BLK: variants seen among roughly 807,000 people sequenced by gnomAD.
BLK encodes the protein BLK proto-oncogene, Src family tyrosine kinase.
BLK carries 64 observed loss-of-function variants against 61.8 expected under a neutral mutation model. The observed-to-expected ratio is 1.03, with a 90% CI of 0.85 to 1.27. The LOEUF is 1.27. Among genes scored for constraint, BLK ranks in the 50% most tolerant of loss-of-function variants. The pLI, the probability that BLK is intolerant of heterozygous loss-of-function variation, is 0.00. For missense variants in BLK, 853 were observed against 660.5 expected (o/e 1.29, Z -3.19); for synonymous variants, 351 against 272.0 (o/e 1.29, Z -2.86).
At chr8:11,517,217 G>T (rs1281095727) in intron 1 of BLK, among the ~76,000 whole-genome samples, 1 of 152,226 alleles carries the variant, frequency 6.6e-6, no homozygotes, top group African/African-American at 2.4e-5. Flanking sequence ...CCAAGGCAGA[G>T]AGATGTCCAT....
At chr8:11,500,315 T>C (rs1364844686) in intron 1 of BLK, among the ~76,000 whole-genome samples, 1 of 152,016 alleles carries the variant, frequency 6.6e-6, no homozygotes, top group African/African-American at 2.4e-5. Context: ...CACCTCAGCC[T>C]CCCGAGTAGC....
intron 1 of BLK, among the ~76,000 whole-genome samples, chr8:11,531,255 A>G (rs2249259): frequency 0.43 from 65,908 of 152,050 alleles, 14,445 homozygotes; most frequent in Non-Finnish European, 0.45. Flanking sequence ...CCTGTCTCTG[A>G]TTTAGCTATT....
chr8:11,545,458 A>G (rs1203229396), intron 2 of BLK, among the ~76,000 whole-genome samples: 1 of 152,180 alleles, frequency 6.6e-6, no homozygotes, highest in Admixed American at 6.5e-5. Context: ...CTGAGGCACG[A>G]GAATTGCTTG....
chr8:11,559,894 A>C, intron 10 of BLK: 2 of 455,434 alleles, frequency 4.4e-6, no homozygotes, highest in South Asian at 1.6e-5. Flanking sequence ...TCCCGGAAGC[A>C]CTGTTCTTGC....
At chr8:11,557,557 G>A (rs1801293250) in intron 9 of BLK, among the ~76,000 whole-genome samples, 1 of 152,200 alleles carries the variant, frequency 6.6e-6, no homozygotes, top group Non-Finnish European at 1.5e-5. Context: ...CTTTCTTGCT[G>A]ATGCCTGGTC....
chr8:11,501,089 A>C (rs2117242700), intron 1 of BLK, among the ~76,000 whole-genome samples: 1 of 152,108 alleles, frequency 6.6e-6, no homozygotes, highest in African/African-American at 2.4e-5. Context: ...GGCACCTGTA[A>C]TCCCAGCTAC....
intron 10 of BLK, 176 bp from the exon 11 acceptor site, chr8:11,561,125 TG>T: frequency 1.1e-6 from 1 of 916,600 alleles, no homozygotes; most frequent in Non-Finnish European, 1.7e-6. Flanking sequence ...GTTGCTGTTC[TG>T]GGCTTCTAGG....
chr8:11,517,329 G>A (rs1216297342), intron 1 of BLK, among the ~76,000 whole-genome samples: 26 of 152,174 alleles, frequency 1.7e-4, no homozygotes, highest in African/African-American at 6.0e-4. Flanking sequence ...AGAAGATGGA[G>A]CTGCCATTCA....
intron 10 of BLK, 111 bp from the exon 11 acceptor site, chr8:11,561,191 A>T: frequency 1.4e-6 from 2 of 1,453,566 alleles, no homozygotes; most frequent in Non-Finnish European, 1.9e-6. Context: ...TCCATCCAAG[A>T]AACAGCTCCT....
chr8:11,503,218 G>A (rs1482452385), intron 1 of BLK, among the ~76,000 whole-genome samples: 1 of 152,212 alleles, frequency 6.6e-6, no homozygotes, highest in Admixed American at 6.5e-5. Flanking sequence ...CATCTAAAAG[G>A]ACATTTGATG....
At chr8:11,499,503 G>A (rs189040392) in intron 1 of BLK, among the ~76,000 whole-genome samples, 1 of 152,312 alleles carries the variant, frequency 6.6e-6, no homozygotes, top group East Asian at 1.9e-4. Context: ...GTCAGATGTG[G>A]GCATTCTTTC....
intron 1 of BLK, among the ~76,000 whole-genome samples, chr8:11,520,970 A>T (rs1311393283): frequency 1.3e-5 from 2 of 152,232 alleles, no homozygotes; most frequent in African/African-American, 4.8e-5. Flanking sequence ...TGTCAAAATT[A>T]TAGCCTTAAG....
chr8:11,563,252 C>G, intron 12 of BLK, 142 bp downstream of exon 12: 7 of 1,265,958 alleles, frequency 5.5e-6, no homozygotes, highest in Non-Finnish European at 7.6e-6. Context: ...GGCATGGCAT[C>G]TGGGGTGGAG....
chr8:11,498,608 T>C (rs1382892028), intron 1 of BLK, among the ~76,000 whole-genome samples: 4 of 152,312 alleles, frequency 2.6e-5, no homozygotes, highest in South Asian at 4.1e-4. Flanking sequence ...GTGTAGTGGT[T>C]AGACGGCTGG....
intron 1 of BLK, among the ~76,000 whole-genome samples, chr8:11,541,667 T>G (rs1239168529): frequency 6.6e-6 from 1 of 152,094 alleles, no homozygotes; most frequent in Non-Finnish European, 1.5e-5. Context: ...CTGGCTAATT[T>G]TTGTATTTTT....
Position 11,555,371 on chromosome 8 carries a change from G to A in BLK, c.659G>A (p.Cys220Tyr). 1 of 1,614,138 alleles carries A rather than the reference G, an allele frequency of 6.2e-7. No homozygotes were observed. Among genetic ancestry groups the A allele is most frequent in the East Asian group, 2.2e-5 (1 of 44,878 alleles). The change falls in exon 8 of 13, where the codon TGT becomes TAT. Residue 220 changes from cysteine to tyrosine, a missense_variant. Physicochemically the swap from Cys to Tyr is radical, Grantham distance 194. Coordinates refer to ENST00000259089, the MANE Select transcript of BLK (RefSeq NM_001715.3). ...DGLCQRLTLPCVRPAPQNPWA... is the reference protein window; with the variant it reads ...DGLCQRLTLPYVRPAPQNPWA... ...CTATGCCAGAGGCTGACCCTGCCCT[G>A]TGTGCGCCCGGCCCCGCAGAATCCC... is the stretch of plus-strand genomic sequence containing the variant.
At chr8:11,519,743 C>T (rs943054262) in intron 1 of BLK, among the ~76,000 whole-genome samples, 2 of 152,242 alleles carry the variant, frequency 1.3e-5, no homozygotes, top group African/African-American at 4.8e-5. Flanking sequence ...ACAAATATGG[C>T]GTAGTTTGTA....
intron 1 of BLK, among the ~76,000 whole-genome samples, chr8:11,510,927 G>T (rs559102663): frequency 1.3e-5 from 2 of 152,092 alleles, no homozygotes; most frequent in Non-Finnish European, 2.9e-5. Context: ...GATTATGGCC[G>T]TCCGTGGTTC....
At chr8:11,510,812 A>C (rs1044225895) in intron 1 of BLK, among the ~76,000 whole-genome samples, 217 of 142,070 alleles carry the variant, frequency 1.5e-3, no homozygotes, top group Middle Eastern at 3.5e-3. Flanking sequence ...TAAATAAATA[A>C]ATAAATACAT....
Sources: allele counts gnomAD v4.1 joint callset (sites outside exome capture counted in the v4.1 genomes callset), GRCh38; gene constraint gnomAD v4.1.1; transcripts MANE v1.5; gene names NCBI Gene and HGNC (gene_info 2026-07-23, HGNC 2026-07-21).